The following WNT7A variants were observed in gnomAD, a reference collection of about 807,000 sequenced individuals.
WNT7A encodes the protein Wnt family member 7A.
WNT7A carries 16 observed loss-of-function variants against 28.2 expected under a neutral mutation model. That is an observed-to-expected ratio of 0.57 (90% CI 0.38 to 0.86). The LOEUF (loss-of-function observed/expected upper bound fraction) is 0.86, where lower values mean the gene tolerates loss of function less well. WNT7A is among the 40% of genes least tolerant of loss of function. WNT7A has a pLI of 0.00. For missense variants in WNT7A, 411 were observed against 489.7 expected, an observed-to-expected ratio of 0.84 and a Z score of 1.52; for synonymous variants, 190 against 195.9, an observed-to-expected ratio of 0.97 and a Z score of 0.25.
chr3:13,838,626 G>C (rs1425518889), intron 3 of WNT7A, among the ~76,000 whole-genome samples: 1 of 152,244 alleles, frequency 6.6e-6, no homozygotes. Flanking sequence ...AGCTGGGAAA[G>C]GGCTTCAAGG....
chr3:13,868,632 AAGAGAGAGG>A lies in WNT7A; in HGVS notation c.298+6306_298+6314del, dbSNP rs1694956240. Among the ~76,000 whole-genome samples, 6 of 14,800 alleles carry A rather than the reference AAGAGAGAGG, an allele frequency of 4.1e-4. 1 individual carries two copies. The highest frequency in any genetic ancestry group is 9.2e-3 in the East Asian group (2 of 218). 9.7% of individuals were successfully genotyped at this position (14,800 alleles called of 152,430 possible). A position where few individuals can be genotyped will look rare whatever the true frequency, so the allele number is the denominator to read the frequency against. On this transcript the variant is annotated intron_variant, in intron 2 of 3. Transcript: ENST00000285018. ...AAAGAGAGAGAGAGAGAAAGAAAGA[AAGAGAGAGG>A]AGAAAGAAAAAAAGGAGGGAGGGAG...
intron 3 of WNT7A, among the ~76,000 whole-genome samples, chr3:13,847,934 G>T (rs948551934): frequency 6.6e-6 from 1 of 152,080 alleles, no homozygotes; most frequent in Non-Finnish European, 1.5e-5. Context: ...TGCCACTGGG[G>T]TGCACACCCA....
intron 3 of WNT7A, among the ~76,000 whole-genome samples, chr3:13,828,808 C>T (rs1198111271): frequency 6.6e-6 from 1 of 152,186 alleles, no homozygotes. Flanking sequence ...GTGACCTGGG[C>T]AACCAGAATC....
At chr3:13,859,320 C>T (rs1317345946) in intron 2 of WNT7A, among the ~76,000 whole-genome samples, 1 of 152,202 alleles carries the variant, frequency 6.6e-6, no homozygotes, top group Non-Finnish European at 1.5e-5. Flanking sequence ...TAATTTCAAC[C>T]CTGCCAAAAG....
intron 2 of WNT7A, among the ~76,000 whole-genome samples, chr3:13,874,297 T>G (rs1695069322): frequency 6.6e-6 from 1 of 152,234 alleles, no homozygotes; most frequent in Non-Finnish European, 1.5e-5. Context: ...CATTGCTCTC[T>G]CTGACCCTTT....
chr3:13,879,690 C>T (rs1223032055), intron 1 of WNT7A, 56 bp downstream of exon 1: 16 of 1,583,128 alleles, frequency 1.0e-5, no homozygotes, highest in South Asian at 2.3e-5. Context: ...ACCTCCCTCC[C>T]CGGGCCGTGC....
Position 13,879,884 on chromosome 3 carries a change from A to G in WNT7A, c.-68T>C, listed in dbSNP as rs1695182860. 8.6e-6 allele frequency: 12 copies of G among 1,394,034 alleles called. No individual in the cohort carries two copies. The South Asian group carries it at 1.7e-4, about 19-fold the overall frequency. 86.4% of individuals were successfully genotyped at this position (1,394,034 alleles called of 1,614,324 possible). On this transcript the variant is annotated 5_prime_UTR_variant, in exon 1 of 4. Coordinates refer to ENST00000285018, the MANE Select transcript of WNT7A (RefSeq NM_004625.4). Reference sequence around the variant, plus strand: ...TCCCGCGGGCCGGCCCCGGCGGGGCAATCAACATAGCCCGCCCGGGAGGCG... The same window carrying G: ...TCCCGCGGGCCGGCCCCGGCGGGGCGATCAACATAGCCCGCCCGGGAGGCG...
chr3:13,849,185 C>G (rs1371968692), intron 3 of WNT7A, among the ~76,000 whole-genome samples: 1 of 152,272 alleles, frequency 6.6e-6, no homozygotes, highest in Middle Eastern at 3.4e-3. Context: ...AGTTGTGACC[C>G]TCGTCCTATA....
rs938318660 is a variant in WNT7A, at chr3:13,868,496, G to A, written c.298+6451C>T. 1.2e-4 allele frequency among the ~76,000 whole-genome samples: 16 copies of A among 136,638 alleles called. 1 individual carries two copies. Among genetic ancestry groups the A allele is most frequent in the African/African-American group, 4.3e-4 (16 of 36,912 alleles). 89.6% of individuals were successfully genotyped at this position (136,638 alleles called of 152,430 possible). A position where few individuals can be genotyped will look rare whatever the true frequency, so the allele number is the denominator to read the frequency against. On this transcript the variant is annotated intron_variant, in intron 2 of 3. Transcript: ENST00000285018. ...TCAGAAAAGGAAAGAACGAAAGAAA[G>A]AAAGAAAGAAAGAGAGAGAGAAAGA...
At chr3:13,838,634 A>C (rs1394381488) in intron 3 of WNT7A, among the ~76,000 whole-genome samples, 1 of 152,220 alleles carries the variant, frequency 6.6e-6, no homozygotes, top group African/African-American at 2.4e-5. Context: ...AAGGGCTTCA[A>C]GGGGACCTGG....
chr3:13,871,909 C>T (rs1453637772), intron 2 of WNT7A, among the ~76,000 whole-genome samples: 1 of 152,196 alleles, frequency 6.6e-6, no homozygotes, highest in East Asian at 1.9e-4. Context: ...AGGGATGCTG[C>T]ACCACCCAGC....
Position 13,819,338 on chromosome 3 carries a change from G to A in WNT7A, c.656C>T (p.Pro219Leu). The change falls in exon 4 of 4, where the codon CCA becomes CTA. Residue 219 changes from proline (P) to leucine (L), a missense_variant. Pro to Leu is a moderately conservative substitution (Grantham distance 98). Coordinates refer to ENST00000285018, the MANE Select transcript of WNT7A (RefSeq NM_004625.4). Reference protein sequence around the residue: ...CTTKTCWTTLPQFRELGYVLK... With the variant: ...CTTKTCWTTLLQFRELGYVLK... ...CACGTAGCCCAGCTCCCGAAACTGTGGCAGTGTGGTCCAGCACGTCTTGGT... is the reference window on the plus strand; with the variant it reads ...CACGTAGCCCAGCTCCCGAAACTGTAGCAGTGTGGTCCAGCACGTCTTGGT... The A allele has an allele frequency of 6.2e-7, 1 of 1,613,316 alleles. No homozygotes were observed. Among genetic ancestry groups the A allele is most frequent in the Non-Finnish European group, 8.5e-7 (1 of 1,179,442 alleles).
chr3:13,823,542 T>C (rs1275078773), intron 3 of WNT7A, among the ~76,000 whole-genome samples: 1 of 152,112 alleles, frequency 6.6e-6, no homozygotes, highest in Non-Finnish European at 1.5e-5. Flanking sequence ...GTTGAGAGGA[T>C]TCAAGGAAAA....
At chr3:13,846,961 TG>T (rs1308980865) in intron 3 of WNT7A, among the ~76,000 whole-genome samples, 1 of 152,118 alleles carries the variant, frequency 6.6e-6, no homozygotes, top group Non-Finnish European at 1.5e-5. Context: ...TGCATGAAGC[TG>T]GGGTCACAGA....
chr3:13,863,419 T>C (rs1694863863), intron 2 of WNT7A, among the ~76,000 whole-genome samples: 1 of 516 alleles, frequency 1.9e-3, no homozygotes, highest in Non-Finnish European at 4.2e-3. Context: ...TGTATGTGTA[T>C]ATGTGTGTGT....
chr3:13,835,107 G>A (rs1252528677), intron 3 of WNT7A, among the ~76,000 whole-genome samples: 1 of 152,244 alleles, frequency 6.6e-6, no homozygotes, highest in African/African-American at 2.4e-5. Context: ...CATGGGCAAA[G>A]GCCGAGGGCA....
chr3:13,867,451 G>A (rs1471549702), intron 2 of WNT7A, among the ~76,000 whole-genome samples: 1 of 152,212 alleles, frequency 6.6e-6, no homozygotes, highest in Non-Finnish European at 1.5e-5. Context: ...ACAGCCACAT[G>A]ATCTTGGTCA....
At chr3:13,871,508 C>T (rs1337367911) in intron 2 of WNT7A, among the ~76,000 whole-genome samples, 3 of 152,062 alleles carry the variant, frequency 2.0e-5, no homozygotes. Context: ...TGACTCCCTC[C>T]TTCCTAGCAG....
intron 2 of WNT7A, among the ~76,000 whole-genome samples, chr3:13,865,563 A>C (rs1694897712): frequency 6.6e-6 from 1 of 152,208 alleles, no homozygotes; most frequent in African/African-American, 2.4e-5. Context: ...ATGAACGTGC[A>C]GTTTTTTATT....
Sources: gnomAD v4.1 joint callset for allele counts (sites outside exome capture counted in the v4.1 genomes callset) on GRCh38, gnomAD v4.1.1 for gene constraint, MANE v1.5 for transcripts, NCBI Gene and HGNC (gene_info 2026-07-23, HGNC 2026-07-21) for gene names.